The following FGF1 variants were observed in gnomAD, a reference collection of about 807,000 sequenced individuals.
FGF1 encodes beta-endothelial cell growth factor.
In FGF1, 9 loss-of-function variants were observed where a neutral mutation model predicts 13.4. The observed-to-expected ratio is 0.67, with a 90% CI of 0.40 to 1.17. FGF1 has a LOEUF of 1.17. Among genes scored for constraint, FGF1 ranks in the 50% most tolerant of loss-of-function variants. The probability of loss-of-function intolerance (pLI) is 0.01; values close to 1 mark genes in which losing one functional copy is unlikely to be tolerated. For synonymous variants in FGF1, 93 were observed against 79.0 expected (o/e 1.18, Z -0.94); for missense variants, 156 against 192.7 (o/e 0.81, Z 1.13).
Position 142,614,026 on chromosome 5 carries a change from C to G in FGF1, c.102G>C (p.Gly34=). 6.2e-7 allele frequency: 1 copy of G among 1,614,128 alleles called. No homozygotes were observed. Among genetic ancestry groups the G allele is most frequent in the Non-Finnish European group, 8.5e-7 (1 of 1,180,016 alleles). The change falls in exon 2 of 4, where the codon GGG becomes GGC. Residue 34 remains glycine (G), a synonymous_variant. Coordinates refer to ENST00000337706, the MANE Select transcript of FGF1 (RefSeq NM_000800.5). The part of the protein sequence containing the change: ...KKPKLLYCSN[G]GHFLRILPDG... ...CCGGAAGGATCCTCAGGAAGTGGCC[C>G]CCGTTGCTACAGTAGAGGAGTTTGG...
intron 1 of FGF1, among the ~76,000 whole-genome samples, chr5:142,677,907 T>C (rs1318024430): frequency 1.3e-5 from 2 of 151,934 alleles, no homozygotes; most frequent in African/African-American, 2.4e-5. Context: ...GTAAGCGGCA[T>C]GAAGGAAAAA....
upstream of FGF1, among the ~76,000 whole-genome samples, chr5:142,687,837 G>T (rs573179375): frequency 6.6e-6 from 1 of 152,146 alleles, no homozygotes; most frequent in East Asian, 1.9e-4. Flanking sequence ...GGTTAACCCC[G>T]TGTTAACCTG....
intron 1 of FGF1, among the ~76,000 whole-genome samples, chr5:142,667,080 G>GCC (rs762556132): frequency 6.6e-6 from 1 of 151,876 alleles, no homozygotes; most frequent in Non-Finnish European, 1.5e-5. Flanking sequence ...AGGAGTTCGA[G>GCC]ATCAGCCTGG....
chr5:142,597,555 G>A (rs186435440), intron 3 of FGF1, among the ~76,000 whole-genome samples: 37 of 152,116 alleles, frequency 2.4e-4, no homozygotes, highest in Admixed American at 1.3e-3. Flanking sequence ...CTTTCTATTC[G>A]TCAAGATCTT....
chr5:142,647,433 G>A (rs541338615), intron 1 of FGF1, among the ~76,000 whole-genome samples: 3 of 152,128 alleles, frequency 2.0e-5, no homozygotes, highest in Non-Finnish European at 4.4e-5. Flanking sequence ...TCACCACCGC[G>A]TTGAGGTAGT....
chr5:142,666,969 A>T (rs1051062312), intron 1 of FGF1, among the ~76,000 whole-genome samples: 4 of 151,942 alleles, frequency 2.6e-5, no homozygotes, highest in Non-Finnish European at 5.9e-5. Context: ...AGAGACAGAA[A>T]AAAAAAAGAA....
In FGF1 at chr5:142,692,660, G is replaced by GACACACACACACACACGCACACACGC. The variant is rs1561776119; in HGVS notation, c.-35+4936_-35+4961dup. Reference sequence around the variant, plus strand: ...CAAGATCTATAGCTCTATTCCCCAGGACACACACACACACACGCACACACG... The same window carrying GACACACACACACACACGCACACACGC: ...CAAGATCTATAGCTCTATTCCCCAGGACACACACACACACACGCACACACGCACACACACACACACACGCACACACG... On this transcript the variant is annotated intron_variant, in intron 2 of 4. Transcript: ENST00000407758. Among the ~76,000 whole-genome samples, 735 of 145,708 alleles carry GACACACACACACACACGCACACACGC rather than the reference G, an allele frequency of 5.0e-3. 5 individuals carry two copies. The highest frequency in any genetic ancestry group is 0.018 in the African/African-American group (700 of 38,880).
At chr5:142,684,376 C>A (rs952728218) in intron 1 of FGF1, among the ~76,000 whole-genome samples, 3 of 152,216 alleles carry the variant, frequency 2.0e-5, no homozygotes, top group African/African-American at 7.2e-5. Flanking sequence ...ATGTAAACAG[C>A]AGATTTGAGA....
chr5:142,653,815 C>A (rs1461550834), intron 1 of FGF1, among the ~76,000 whole-genome samples: 1 of 152,194 alleles, frequency 6.6e-6, no homozygotes, highest in African/African-American at 2.4e-5. Context: ...CACCTTGGGC[C>A]TGGTGCCGTG....
chr5:142,680,784 C>A (rs1773567386), intron 1 of FGF1: 1 of 152,008 alleles, frequency 6.6e-6, no homozygotes, highest in Non-Finnish European at 1.5e-5. Context: ...CTCTGTGTTC[C>A]CTCTCATAGT....
chr5:142,602,987 C>T (rs1369396605), intron 2 of FGF1, among the ~76,000 whole-genome samples: 1 of 152,166 alleles, frequency 6.6e-6, no homozygotes, highest in Admixed American at 6.5e-5. Flanking sequence ...AGACTCAGGA[C>T]TTCCTCTAGC....
chr5:142,595,423 T>C lies in FGF1; in HGVS notation c.335A>G (p.Tyr112Cys). 6.2e-7 allele frequency: 1 copy of C among 1,613,998 alleles called. No homozygotes were observed. The highest frequency in any genetic ancestry group is 8.5e-7 in the Non-Finnish European group (1 of 1,179,888). The change falls in exon 4 of 4, where the codon TAT (tyrosine) becomes TGT (cysteine). Residue 112 changes from tyrosine to cysteine, a missense_variant. Physicochemically the swap from Tyr to Cys is radical, Grantham distance 194. Coordinates refer to ENST00000337706, the MANE Select transcript of FGF1 (RefSeq NM_000800.5). ...ERLEENHYNT[Y>C]ISKKHAEKNW... ...CTTCTCTGCATGCTTCTTGGATATA[T>C]AGGTGTTGTAATGGTTCTCCTCCAG...
chr5:142,684,061 G>A (rs978660341), intron 1 of FGF1, among the ~76,000 whole-genome samples: 3 of 152,182 alleles, frequency 2.0e-5, no homozygotes, highest in East Asian at 1.9e-4. Flanking sequence ...TTTGCACTGC[G>A]GACTCGCCCT....
rs1247954676 is a variant in FGF1 at position 142,594,913 on chromosome 5, A to C, written c.*377T>G. 6.1e-6 allele frequency: 1 copy of C among 164,434 alleles called. No individual in the cohort carries two copies. The highest frequency in any genetic ancestry group is 2.4e-5 in the African/African-American group (1 of 41,862). The allele number at this position is 164,434 out of a possible 1,614,324, so 10.2% of individuals were successfully genotyped here. Reference sequence around the variant, plus strand: ...TGCCAGATGTTTGGGGGAATCACAGATAGGGTTTACTCAGTAGAGGGAAAT... The same window carrying C: ...TGCCAGATGTTTGGGGGAATCACAGCTAGGGTTTACTCAGTAGAGGGAAAT... On this transcript the variant is annotated 3_prime_UTR_variant, in exon 4 of 4. Coordinates refer to ENST00000337706, the MANE Select transcript of FGF1 (RefSeq NM_000800.5).
At chr5:142,667,747 T>C (rs1365239850) in intron 1 of FGF1, among the ~76,000 whole-genome samples, 1 of 152,192 alleles carries the variant, frequency 6.6e-6, no homozygotes, top group Non-Finnish European at 1.5e-5. Flanking sequence ...CGGCGGGCTC[T>C]GAAAATTCCG....
At chr5:142,637,383 G>A (rs187605598) in intron 1 of FGF1, among the ~76,000 whole-genome samples, 2,239 of 150,324 alleles carry the variant, frequency 0.015, 38 homozygotes, top group South Asian at 0.056. Context: ...GCAGTGGCTC[G>A]ATCTCAGCTC....
chr5:142,649,329 A>G (rs1281010888), intron 1 of FGF1, among the ~76,000 whole-genome samples: 19 of 151,668 alleles, frequency 1.3e-4, no homozygotes, highest in Admixed American at 1.2e-3. Flanking sequence ...CATTATTTAT[A>G]TTTATTATCA....
At chr5:142,602,810 A>G (rs932979500) in intron 2 of FGF1, among the ~76,000 whole-genome samples, 28 of 152,228 alleles carry the variant, frequency 1.8e-4, no homozygotes, top group South Asian at 4.1e-4. Flanking sequence ...ATTGTGTTCC[A>G]TTATGTAGCT....
intron 1 of FGF1, among the ~76,000 whole-genome samples, chr5:142,662,136 G>T (rs1378200814): frequency 6.6e-6 from 1 of 152,178 alleles, no homozygotes; most frequent in East Asian, 1.9e-4. Flanking sequence ...GGCTGAGGGA[G>T]GGGGAAGCGG....
Sources: gnomAD v4.1 joint callset for allele counts (sites outside exome capture counted in the v4.1 genomes callset) on GRCh38, gnomAD v4.1.1 for gene constraint, MANE v1.5 for transcripts, NCBI Gene and HGNC (gene_info 2026-07-23, HGNC 2026-07-21) for gene names.